Variants in KLRG1 observed in about 807,000 individuals in gnomAD.
KLRG1 encodes the protein killer cell lectin-like receptor subfamily G member 1.
KLRG1 carries 16 observed loss-of-function variants against 21.8 expected under a neutral mutation model. The observed-to-expected ratio is 0.73, with a 90% CI of 0.50 to 1.11. The LOEUF (loss-of-function observed/expected upper bound fraction) is 1.11. KLRG1 is among the 50% of genes most tolerant of loss of function. KLRG1 has a pLI of 0.00. For synonymous variants in KLRG1, 69 were observed against 75.9 expected, an observed-to-expected ratio of 0.91 and a Z score of 0.47; for missense variants, 173 against 218.3, an observed-to-expected ratio of 0.79 and a Z score of 1.31.
At chr12:9,201,886 T>A in the KLRG1 span, among the ~76,000 whole-genome samples, 1 of 152,060 alleles carries the variant, frequency 6.6e-6, no homozygotes, top group Admixed American at 6.6e-5. Flanking sequence ...CATAAAAAAG[T>A]CTTTGTGTAT....
the KLRG1 span, chr12:9,202,232 T>C: frequency 8.2e-7 from 1 of 1,216,518 alleles, no homozygotes; most frequent in Non-Finnish European, 1.2e-6. Context: ...TCTTTCATCC[T>C]CTCGCTTTTC....
the KLRG1 span, chr12:9,027,407 G>A: frequency 5.5e-6 from 3 of 548,708 alleles, no homozygotes; most frequent in South Asian, 1.6e-5. Context: ...CGTAAAACAT[G>A]TCTTCTTTGT....
At chr12:8,999,476 A>AT (rs761252233) in intron 3 of KLRG1, among the ~76,000 whole-genome samples, 15 of 152,192 alleles carry the variant, frequency 9.9e-5, no homozygotes, top group Non-Finnish European at 1.6e-4. Flanking sequence ...TGACCTTGGG[A>AT]TTCCCCGAGC....
chr12:9,070,898 G>A, the KLRG1 span, among the ~76,000 whole-genome samples: 4 of 151,422 alleles, frequency 2.6e-5, no homozygotes, highest in East Asian at 3.9e-4. Flanking sequence ...TCGGCTCACC[G>A]CAACCTCCGC....
the KLRG1 span, among the ~76,000 whole-genome samples, chr12:9,185,482 A>G: frequency 6.6e-6 from 1 of 152,230 alleles, no homozygotes; most frequent in Non-Finnish European, 1.5e-5. Flanking sequence ...GAAAGAGATG[A>G]GCATAATGAA....
chr12:9,176,963 A>G, the KLRG1 span, among the ~76,000 whole-genome samples: 1 of 152,184 alleles, frequency 6.6e-6, no homozygotes, highest in South Asian at 2.1e-4. Context: ...AGCTGTTCCT[A>G]TTTTACAATG....
the KLRG1 span, chr12:9,064,150 TG>T: frequency 6.6e-6 from 1 of 152,382 alleles, no homozygotes; most frequent in Admixed American, 6.5e-5. The surrounding 1 kb of genome is among the most constrained non-coding windows in gnomAD (Gnocchi z 4.0). Context: ...TCACCATGGT[TG>T]GAAGTTAAGA....
chr12:9,069,152 T>C, the KLRG1 span: 1 of 201,898 alleles, frequency 5.0e-6, no homozygotes, highest in Non-Finnish European at 9.9e-6. Context: ...AGATTTGGTA[T>C]AGTTTGACTT....
chr12:9,092,821 A>T, the KLRG1 span, among the ~76,000 whole-genome samples: 2 of 152,252 alleles, frequency 1.3e-5, no homozygotes, highest in African/African-American at 4.8e-5. Context: ...TTTGGTGTTC[A>T]TTACAGCATT....
chr12:9,208,423 A>C, the KLRG1 span: 3 of 1,074,322 alleles, frequency 2.8e-6, no homozygotes, highest in South Asian at 3.9e-5. Flanking sequence ...ACCAGGCTTT[A>C]TGTGGCCACT....
chr12:9,153,382 T>C, the KLRG1 span: 2 of 1,558,044 alleles, frequency 1.3e-6, no homozygotes, highest in East Asian at 2.3e-5. Flanking sequence ...AAAGAGTAAA[T>C]TTTTGGCATC....
chr12:9,044,366 CA>C, the KLRG1 span, among the ~76,000 whole-genome samples: 2 of 152,038 alleles, frequency 1.3e-5, no homozygotes, highest in Admixed American at 6.5e-5. Context: ...AATTTTTACT[CA>C]AAAAAAGTAC....
chr12:9,149,385 A>G, the KLRG1 span, among the ~76,000 whole-genome samples: 1 of 152,196 alleles, frequency 6.6e-6, no homozygotes, highest in Non-Finnish European at 1.5e-5. Flanking sequence ...AATATCTGAA[A>G]TTGGAGAGTC....
Position 8,972,998 on chromosome 12 carries a change from G to A in KLRG1, c.-155-19208G>A, listed in dbSNP as rs545392833. On this transcript the variant is annotated intron_variant, in intron 1 of 4. Coordinates refer to the KLRG1 transcript ENST00000539240. Reference sequence around the variant, plus strand: ...TCTACTAAAAATAAAAAAGTTAGCCGGGCATGGTGGCGCACACCTGTAATC... The same window carrying A: ...TCTACTAAAAATAAAAAAGTTAGCCAGGCATGGTGGCGCACACCTGTAATC... 2.6e-4 allele frequency among the ~76,000 whole-genome samples: 40 copies of A among 151,706 alleles called. No individual in the cohort carries two copies. In the South Asian group the frequency reaches 7.1e-3, roughly 27 times the overall value.
chr12:9,189,120 C>T, the KLRG1 span, among the ~76,000 whole-genome samples: 2 of 152,258 alleles, frequency 1.3e-5, no homozygotes, highest in South Asian at 4.1e-4. Flanking sequence ...CTACCAACGA[C>T]ATCCTTCACA....
chr12:8,981,972 A>G (rs1946761811), intron 1 of KLRG1, among the ~76,000 whole-genome samples: 1 of 152,174 alleles, frequency 6.6e-6, no homozygotes, highest in Non-Finnish European at 1.5e-5. Context: ...TAACTCATGT[A>G]ATTATGAAAT....
At chr12:9,084,895 A>G in the KLRG1 span, among the ~76,000 whole-genome samples, 9 of 152,158 alleles carry the variant, frequency 5.9e-5, no homozygotes, top group Admixed American at 5.9e-4. Flanking sequence ...TATATTCAAC[A>G]AAACAGACTT....
At chr12:9,101,367 A>G in the KLRG1 span, 1 of 1,363,344 alleles carries the variant, frequency 7.3e-7, no homozygotes. Context: ...AAGTAATGAC[A>G]TCTAAAGAGC....
the KLRG1 span, among the ~76,000 whole-genome samples, chr12:9,190,486 G>T: frequency 6.6e-6 from 1 of 152,140 alleles, no homozygotes; most frequent in Admixed American, 6.5e-5. Flanking sequence ...ACACAGTGGG[G>T]CCTATCTGAG....
Sources: allele counts gnomAD v4.1 joint callset (sites outside exome capture counted in the v4.1 genomes callset), GRCh38; gene constraint gnomAD v4.1.1; non-coding constraint Gnocchi (gnomAD v3.1); transcripts MANE v1.5; gene names NCBI Gene and HGNC (gene_info 2026-07-23, HGNC 2026-07-21).